KCNJ6: variants seen among roughly 807,000 people sequenced by gnomAD.
KCNJ6 encodes potassium inwardly rectifying channel subfamily J member 6, also known as G protein-activated inward rectifier potassium channel 2.
Under a neutral mutation model 34.2 loss-of-function variants are expected in KCNJ6, and 9 were observed. The observed-to-expected ratio is 0.26, with a 90% confidence interval of 0.16 to 0.46. The LOEUF is 0.46. KCNJ6 is among the 20% of genes least tolerant of loss of function. The pLI, the probability that KCNJ6 is intolerant of heterozygous loss-of-function variation, is 1.00. For synonymous variants in KCNJ6, 196 were observed against 207.1 expected (o/e 0.95, Z 0.46); for missense variants, 236 against 531.3 (o/e 0.44, Z 5.46).
intron 1 of KCNJ6, among the ~76,000 whole-genome samples, chr21:37,880,195 T>C (rs1239949535): frequency 6.6e-6 from 1 of 152,080 alleles, no homozygotes; most frequent in African/African-American, 2.4e-5. Context: ...GAGAATTGCT[T>C]GAACCCAGGA....
chr21:37,719,273 A>C (rs1403109498), intron 2 of KCNJ6: 1 of 152,440 alleles, frequency 6.6e-6, no homozygotes, highest in Non-Finnish European at 1.5e-5. Flanking sequence ...GCATGCATGC[A>C]GATGTTGCAG....
intron 3 of KCNJ6, among the ~76,000 whole-genome samples, chr21:37,628,830 T>C (rs1450351683): frequency 6.6e-6 from 1 of 152,186 alleles, no homozygotes; most frequent in Non-Finnish European, 1.5e-5. Flanking sequence ...TTTTCAATGA[T>C]ATTAATAGCT....
chr21:37,748,190 A>G (rs1036012207), intron 2 of KCNJ6, among the ~76,000 whole-genome samples: 2 of 152,206 alleles, frequency 1.3e-5, no homozygotes, highest in South Asian at 4.1e-4. Flanking sequence ...GAACACTTCC[A>G]ACCCTGGACA....
Position 37,714,142 on chromosome 21 carries a change from T to G in KCNJ6, c.946+69A>C, listed in dbSNP as rs1157183462. 9.2e-7 allele frequency: 1 copy of G among 1,089,534 alleles called. No homozygotes were observed. The highest frequency in any genetic ancestry group is 1.4e-6 in the Non-Finnish European group (1 of 733,602). 67.5% of individuals were successfully genotyped at this position (1,089,534 alleles called of 1,614,324 possible). On this transcript the variant is annotated intron_variant, in intron 3 of 3. Transcript: ENST00000609713. The surrounding 1 kb of genome is among the most constrained non-coding windows in gnomAD (Gnocchi z 5.9). ...TCAGTATTCTAGATCTTGTAATAGA[T>G]AAGAACATCAGGTCCAGTTTAAAAT...
chr21:37,754,954 G>A (rs889005106), intron 2 of KCNJ6, among the ~76,000 whole-genome samples: 1 of 152,152 alleles, frequency 6.6e-6, no homozygotes, highest in East Asian at 1.9e-4. Context: ...TGGGCTTCTG[G>A]AAGTCCCTGA....
intron 2 of KCNJ6, among the ~76,000 whole-genome samples, chr21:37,810,647 T>C (rs1157821802): frequency 6.6e-6 from 1 of 152,236 alleles, no homozygotes; most frequent in African/African-American, 2.4e-5. Context: ...ATATTGACGT[T>C]ATTTTCATGT....
At chr21:37,894,106 G>C (rs2055776216) in intron 1 of KCNJ6, among the ~76,000 whole-genome samples, 1 of 152,088 alleles carries the variant, frequency 6.6e-6, no homozygotes, top group African/African-American at 2.4e-5. Context: ...ACATATCAGG[G>C]GATGGTCTAG....
chr21:37,879,249 T>A (rs1376254241), intron 1 of KCNJ6, among the ~76,000 whole-genome samples: 2 of 152,098 alleles, frequency 1.3e-5, no homozygotes, highest in East Asian at 3.9e-4. Context: ...CATAGAGAAT[T>A]TGTACAGGTC....
At chr21:37,664,288 T>C (rs900670942) in intron 3 of KCNJ6, among the ~76,000 whole-genome samples, 15 of 150,920 alleles carry the variant, frequency 9.9e-5, no homozygotes, top group Non-Finnish European at 1.9e-4. Flanking sequence ...TTTAAGAAAT[T>C]AGAGAGAAAA....
intron 2 of KCNJ6, among the ~76,000 whole-genome samples, chr21:37,764,661 A>G (rs1022092625): frequency 6.6e-6 from 1 of 152,216 alleles, no homozygotes; most frequent in Non-Finnish European, 1.5e-5. Context: ...TACAGGTGTA[A>G]GCCACCGAGC....
At chr21:37,708,153 T>G (rs960786478) in intron 3 of KCNJ6, among the ~76,000 whole-genome samples, 23 of 152,224 alleles carry the variant, frequency 1.5e-4, no homozygotes, top group Non-Finnish European at 2.8e-4. Flanking sequence ...ATTTTTGCCT[T>G]TTTCAATCAC....
intron 2 of KCNJ6, among the ~76,000 whole-genome samples, chr21:37,826,553 C>T (rs1601489931): frequency 6.6e-6 from 1 of 151,934 alleles, no homozygotes; most frequent in African/African-American, 2.4e-5. Flanking sequence ...CTCTTCCCCC[C>T]TCCCTCATGG....
In KCNJ6 at chr21:37,763,249, G is replaced by T. The variant is rs1016174163; in HGVS notation, c.26-48118C>A. ...TGGATGGCAGCCTGCTTGTAGGGGG[G>T]GCCTGCAGACACCTTCTCACCCCAC... On this transcript the variant is annotated intron_variant, in intron 2 of 3. Transcript: ENST00000609713. Among the ~76,000 whole-genome samples the T allele has an allele frequency of 2.6e-5, 4 of 152,246 alleles. No individual in the cohort carries two copies. The South Asian group carries it at 6.2e-4, about 24-fold the overall frequency.
chr21:37,884,401 C>A (rs1445415239), intron 1 of KCNJ6, among the ~76,000 whole-genome samples: 2 of 152,162 alleles, frequency 1.3e-5, no homozygotes, highest in African/African-American at 2.4e-5. Context: ...TTTCCAGCTT[C>A]TCTCTGCATC....
At chr21:37,793,188 A>G (rs2055224917) in intron 2 of KCNJ6, among the ~76,000 whole-genome samples, 1 of 152,260 alleles carries the variant, frequency 6.6e-6, no homozygotes, top group South Asian at 2.1e-4. Flanking sequence ...TATCCATTAA[A>G]TAACAGCTCT....
In KCNJ6 at chr21:37,732,431, A is replaced by G. The variant is rs576229328; in HGVS notation, c.26-17300T>C. ...AGTGATTGCTTGGTTTTCCCACTCC[A>G]GTTAAGACACAAGTCGCCCTCTCTT... On this transcript the variant is annotated intron_variant, in intron 2 of 3. Transcript: ENST00000609713. Among the ~76,000 whole-genome samples, 112 of 152,362 alleles carry G rather than the reference A, an allele frequency of 7.4e-4. 1 individual carries two copies. The highest frequency in any genetic ancestry group is 1.3e-3 in the Non-Finnish European group (89 of 68,034).
chr21:37,632,306 T>C (rs2054337664), intron 3 of KCNJ6, among the ~76,000 whole-genome samples: 1 of 140,528 alleles, frequency 7.1e-6, no homozygotes, highest in African/African-American at 2.5e-5. Flanking sequence ...GAAACCATAA[T>C]GGAAATTTGA....
In KCNJ6 at chr21:37,647,725, T is replaced by C. The variant is rs372184885; in HGVS notation, c.947-22241A>G. 2.2e-4 allele frequency among the ~76,000 whole-genome samples: 34 copies of C among 152,258 alleles called. 1 individual carries two copies. In the South Asian group the frequency reaches 6.9e-3, roughly 31 times the overall value. On this transcript the variant is annotated intron_variant, in intron 3 of 3. Coordinates refer to ENST00000609713, the MANE Select transcript of KCNJ6 (RefSeq NM_002240.5). ...CATCCATTCCTTCTCATGGAAACCA[T>C]GATAAGGGGTCTTGCCCACAGCTTC...
intron 2 of KCNJ6, among the ~76,000 whole-genome samples, chr21:37,750,007 C>T (rs1172478007): frequency 1.3e-5 from 2 of 152,144 alleles, no homozygotes; most frequent in Non-Finnish European, 2.9e-5. Flanking sequence ...GAACCTTTAT[C>T]TGCAGGATAA....
Sources: gnomAD v4.1 joint callset for allele counts (sites outside exome capture counted in the v4.1 genomes callset) on GRCh38, gnomAD v4.1.1 for gene constraint, Gnocchi (gnomAD v3.1) non-coding constraint, MANE v1.5 for transcripts, NCBI Gene and HGNC (gene_info 2026-07-23, HGNC 2026-07-21) for gene names.